The following CORIN variants were observed in gnomAD, a reference collection of about 807,000 sequenced individuals.
CORIN encodes atrial natriuretic peptide-converting enzyme.
Under a neutral mutation model 125.3 loss-of-function variants are expected in CORIN, and 117 were observed. The observed-to-expected ratio is 0.93, with a 90% CI of 0.80 to 1.09. The LOEUF (loss-of-function observed/expected upper bound fraction) is 1.09, where lower values mean the gene tolerates loss of function less well. Among genes scored for constraint, CORIN ranks in the 50% least tolerant of loss-of-function variants. CORIN has a pLI of 0.00. For synonymous variants in CORIN, 450 were observed against 466.4 expected (o/e 0.96, Z 0.45); for missense variants, 1,253 against 1,306.7 (o/e 0.96, Z 0.63).
At chr4:47,739,520 C>G (rs1728288134) in intron 5 of CORIN, among the ~76,000 whole-genome samples, 1 of 151,872 alleles carries the variant, frequency 6.6e-6, no homozygotes. Context: ...TTGCTATTAA[C>G]AGAACCACCC....
chr4:47,726,094 A>T (rs770336818), intron 5 of CORIN, among the ~76,000 whole-genome samples: 12 of 152,068 alleles, frequency 7.9e-5, no homozygotes, highest in Non-Finnish European at 1.3e-4. Context: ...ACAAAAGTCA[A>T]TCTGACAATA....
At chr4:47,757,792 A>C (rs948256755) in intron 4 of CORIN, among the ~76,000 whole-genome samples, 3 of 149,636 alleles carry the variant, frequency 2.0e-5, no homozygotes, top group Non-Finnish European at 4.4e-5. Flanking sequence ...TTAACTAAAA[A>C]TTTACAGCTA....
chr4:47,780,011 A>G (rs1462801674), intron 3 of CORIN, among the ~76,000 whole-genome samples: 1 of 152,224 alleles, frequency 6.6e-6, no homozygotes, highest in Non-Finnish European at 1.5e-5. Flanking sequence ...AAAAAGCTAG[A>G]TATAAAGTGA....
intron 1 of CORIN, among the ~76,000 whole-genome samples, chr4:47,820,284 G>GC (rs967857800): frequency 6.6e-6 from 1 of 151,248 alleles, no homozygotes; most frequent in Non-Finnish European, 1.5e-5. Context: ...GAGGGTGAGG[G>GC]GAGAAATTTT....
At position 47,641,912 on chromosome 4, in the gene CORIN, G is replaced by T; in HGVS notation, c.2198+8C>A. 3 of 1,612,262 alleles carry T rather than the reference G, an allele frequency of 1.9e-6. No individual in the cohort carries two copies. In the South Asian group the frequency reaches 3.3e-5, roughly 18 times the overall value. ...AAATTCATCAGTGCTACAAACTACT[G>T]ACCTTACCCTAAACCCATCTGCTTG... On this transcript the variant is annotated splice_region_variant and intron_variant, in intron 16 of 21. Coordinates refer to ENST00000273857, the MANE Select transcript of CORIN (RefSeq NM_006587.4).
chr4:47,617,153 T>C (rs1722095641), intron 19 of CORIN, among the ~76,000 whole-genome samples: 1 of 152,210 alleles, frequency 6.6e-6, no homozygotes, highest in East Asian at 1.9e-4. Context: ...TGTCAAATAG[T>C]TGTCTATTCA....
At chr4:47,694,175 A>G (rs997920324) in intron 5 of CORIN, among the ~76,000 whole-genome samples, 9 of 152,238 alleles carry the variant, frequency 5.9e-5, no homozygotes, top group African/African-American at 2.2e-4. Context: ...ATGTCCTAGG[A>G]CAAAGTTCAA....
At chr4:47,752,962 T>A (rs1191595989) in intron 4 of CORIN, among the ~76,000 whole-genome samples, 1 of 151,722 alleles carries the variant, frequency 6.6e-6, no homozygotes, top group African/African-American at 2.4e-5. Flanking sequence ...ATGAATTGAA[T>A]CACAAGTATT....
chr4:47,605,352 G>A (rs1721608661), intron 19 of CORIN, among the ~76,000 whole-genome samples: 1 of 152,010 alleles, frequency 6.6e-6, no homozygotes, highest in Non-Finnish European at 1.5e-5. Context: ...CCTACAGTAG[G>A]TCCTCAACAA....
intron 1 of CORIN, among the ~76,000 whole-genome samples, chr4:47,808,937 C>T (rs1004521395): frequency 6.6e-6 from 1 of 152,154 alleles, no homozygotes; most frequent in Non-Finnish European, 1.5e-5. Flanking sequence ...ATGAAATGTA[C>T]ATGACTATAT....
At chr4:47,781,997 A>G (rs777559539) in intron 3 of CORIN, among the ~76,000 whole-genome samples, 1 of 152,090 alleles carries the variant, frequency 6.6e-6, no homozygotes, top group Non-Finnish European at 1.5e-5. Context: ...TTTTATATTA[A>G]TAAAAGGTTC....
intron 16 of CORIN, among the ~76,000 whole-genome samples, chr4:47,637,268 G>C (rs888181748): frequency 2.0e-5 from 3 of 152,218 alleles, no homozygotes; most frequent in Admixed American, 6.5e-5. Context: ...AAGGGAAGTA[G>C]AGCATAAAAG....
chr4:47,813,808 A>C (rs1393271571), intron 1 of CORIN, among the ~76,000 whole-genome samples: 1 of 152,236 alleles, frequency 6.6e-6, no homozygotes, highest in African/African-American at 2.4e-5. Flanking sequence ...ATGTACAAAC[A>C]GTACTTGCTA....
chr4:47,642,146 A>G (rs1480664405), intron 15 of CORIN, 97 bp from the exon 16 acceptor site: 6 of 1,255,002 alleles, frequency 4.8e-6, no homozygotes, highest in Non-Finnish European at 6.6e-6. Context: ...GCATACATTC[A>G]TTTTCATTTA....
chr4:47,836,764 T>C (rs927513390), intron 1 of CORIN, among the ~76,000 whole-genome samples: 6 of 152,288 alleles, frequency 3.9e-5, no homozygotes, highest in Non-Finnish European at 8.8e-5. Context: ...GCGCGTACAC[T>C]GCCATCCACT....
intron 19 of CORIN, among the ~76,000 whole-genome samples, chr4:47,608,760 T>A (rs571221810): frequency 4.8e-4 from 73 of 152,298 alleles, no homozygotes; most frequent in Non-Finnish European, 9.3e-4. Flanking sequence ...GCCACTTACA[T>A]ATGTCAGACA....
chr4:47,744,684 T>TC, intron 4 of CORIN, 101 bp from the exon 5 acceptor site: 1 of 1,126,888 alleles, frequency 8.9e-7, no homozygotes, highest in Non-Finnish European at 1.2e-6. Flanking sequence ...TGATATTATC[T>TC]TAATTTATAC....
chr4:47,707,274 G>GA (rs903474969), intron 5 of CORIN, among the ~76,000 whole-genome samples: 17 of 151,710 alleles, frequency 1.1e-4, no homozygotes, highest in African/African-American at 3.6e-4. Flanking sequence ...TAAAAGAAGA[G>GA]AAAAAAAAGA....
At position 47,626,454 on chromosome 4, in the gene CORIN, T is replaced by G; in HGVS notation, c.2266A>C (p.Asn756His). The change falls in exon 17 of 22, where the codon AAC becomes CAC. Residue 756 changes from asparagine (N) to histidine (H), a missense_variant. Physicochemically the swap from Asn to His is moderately conservative, Grantham distance 68. Coordinates refer to ENST00000273857, the MANE Select transcript of CORIN (RefSeq NM_006587.4). ...GTGGTCCCATTGAGGCTCTCCCAGT[T>G]GGAGTGTAATGTCAGCCACCGCGGC... is the stretch of plus-strand genomic sequence containing the variant. ...KEPRWLTLHS[N>H]WESLNGTTLH... 1 of 1,614,086 alleles carries G rather than the reference T, an allele frequency of 6.2e-7. No homozygotes were observed. Among genetic ancestry groups the G allele is most frequent in the Non-Finnish European group, 8.5e-7 (1 of 1,179,936 alleles).
Sources: gnomAD v4.1 joint callset for allele counts (sites outside exome capture counted in the v4.1 genomes callset) on GRCh38, gnomAD v4.1.1 for gene constraint, MANE v1.5 for transcripts, NCBI Gene and HGNC (gene_info 2026-07-23, HGNC 2026-07-21) for gene names.